EFCAB12: variants seen among roughly 807,000 people sequenced by gnomAD.
EFCAB12 encodes the protein EF-hand calcium-binding domain-containing protein 12.
EFCAB12 carries 43 observed loss-of-function variants against 53.6 expected under a neutral mutation model. The ratio of observed to expected loss-of-function variants is 0.80; its 90% CI spans 0.63 to 1.03. The LOEUF (loss-of-function observed/expected upper bound fraction) is 1.03. Ranked by LOEUF, EFCAB12 falls within the 50% of genes least tolerant of loss-of-function variation. The pLI, the probability that EFCAB12 is intolerant of heterozygous loss-of-function variation, is 0.00. For missense variants in EFCAB12, 646 were observed against 730.6 expected, an observed-to-expected ratio of 0.88 and a Z score of 1.34; for synonymous variants, 269 against 289.2, an observed-to-expected ratio of 0.93 and a Z score of 0.71.
chr3:129,428,358 G>T, intron 1 of EFCAB12, 82 bp downstream of exon 1: 1 of 1,536,046 alleles, frequency 6.5e-7, no homozygotes. Context: ...AATATCTGTG[G>T]CTGAGTTTTT....
chr3:129,424,024 T>G (rs1018857792), intron 1 of EFCAB12, among the ~76,000 whole-genome samples: 1 of 152,146 alleles, frequency 6.6e-6, no homozygotes, highest in African/African-American at 2.4e-5. Flanking sequence ...CTGGGTCCCA[T>G]AGCCCCCACA....
rs1336085530 is a variant in EFCAB12 at position 129,426,362 on chromosome 3, T to TG, written c.49+2077_49+2078insC. Among the ~76,000 whole-genome samples the TG allele has an allele frequency of 5.0e-3, 554 of 110,844 alleles. 6 individuals carry two copies. The highest frequency in any genetic ancestry group is 0.013 in the African/African-American group (343 of 26,832). The allele number at this position is 110,844 out of a possible 152,430, so 72.7% of individuals were successfully genotyped here. On this transcript the variant is annotated intron_variant, in intron 1 of 8. Transcript: ENST00000505956. ...ATGGCTTACAGGGTTTTTTTTTGTT[T>TG]TTTTTTTTTTTTTTTTTTTTGAGAC...
chr3:129,401,965 A>G, intron 8 of EFCAB12, 114 bp from the exon 9 acceptor site: 1 of 1,392,474 alleles, frequency 7.2e-7, no homozygotes, highest in South Asian at 1.4e-5. Context: ...TGTGCCAAGC[A>G]CTTCAGCACC....
intron 7 of EFCAB12, 139 bp from the exon 8 acceptor site, chr3:129,402,718 C>T (rs1275759880): frequency 1.3e-6 from 1 of 791,444 alleles, no homozygotes; most frequent in African/African-American, 1.8e-5. Context: ...TGTCTTCCAC[C>T]TGGGGTGGAC....
intron 6 of EFCAB12, among the ~76,000 whole-genome samples, chr3:129,407,862 C>T (rs141460025): frequency 3.3e-5 from 5 of 152,312 alleles, no homozygotes; most frequent in African/African-American, 7.2e-5. Context: ...TGCAGTGAGC[C>T]GCAATCGCAC....
intron 4 of EFCAB12, chr3:129,413,462 T>C (rs2072072482): frequency 1.3e-5 from 2 of 152,134 alleles, no homozygotes; most frequent in South Asian, 4.2e-4. Flanking sequence ...AATAAGCACA[T>C]TCCTTTCCCT....
chr3:129,411,422 G>C (rs759071407), intron 4 of EFCAB12, 68 bp from the exon 5 acceptor site: 2 of 1,482,568 alleles, frequency 1.3e-6, no homozygotes, highest in Admixed American at 4.2e-5. Context: ...AACCTGCCAA[G>C]CAGTTATCCA....
chr3:129,402,427 G>T, intron 8 of EFCAB12, 96 bp downstream of exon 8: 1 of 1,361,936 alleles, frequency 7.3e-7, no homozygotes, highest in Non-Finnish European at 1.0e-6. Context: ...CCGAGCCCCA[G>T]CTGTTGTGCC....
At chr3:129,409,924 G>T (rs1326445294) in intron 5 of EFCAB12, among the ~76,000 whole-genome samples, 1 of 152,064 alleles carries the variant, frequency 6.6e-6, no homozygotes, top group African/African-American at 2.4e-5. Context: ...AGCAATATCT[G>T]CCATTTTATT....
At chr3:129,411,126 A>C in intron 5 of EFCAB12, 32 bp downstream of exon 5, 1 of 1,544,942 alleles carries the variant, frequency 6.5e-7, no homozygotes, top group Non-Finnish European at 8.7e-7. Context: ...CCAGTCCCCA[A>C]GCCGCATGCT....
chr3:129,418,990 G>T (rs192239897), intron 2 of EFCAB12, among the ~76,000 whole-genome samples: 54 of 152,202 alleles, frequency 3.5e-4, no homozygotes, highest in Middle Eastern at 3.4e-3. Flanking sequence ...CATTCCCTAG[G>T]GTATTGTTCC....
rs910712331 is a variant in EFCAB12, at chr3:129,401,437, C to CT, written c.*155dup. On this transcript the variant is annotated 3_prime_UTR_variant, in exon 9 of 9. Transcript: ENST00000505956. ...CATCTACCCTCTGAGACACTGGACA[C>CT]TTTGAGTCCAGAGGGAACTGGCCCC... 2.3e-5 allele frequency: 25 copies of CT among 1,085,520 alleles called. No homozygotes were observed. The highest frequency in any genetic ancestry group is 8.9e-5 in the Admixed American group (3 of 33,542). The allele number at this position is 1,085,520 out of a possible 1,614,324, so 67.2% of individuals were successfully genotyped here. A position where few individuals can be genotyped will look rare whatever the true frequency, so the allele number is the denominator to read the frequency against.
intron 1 of EFCAB12, among the ~76,000 whole-genome samples, chr3:129,423,779 A>G (rs1334630704): frequency 2.0e-5 from 3 of 152,040 alleles, no homozygotes; most frequent in African/African-American, 7.2e-5. Context: ...ACCTGGCCCC[A>G]CCTGGTCCTC....
In EFCAB12 at chr3:129,418,258, T is replaced by C. The variant is rs747105793; in HGVS notation, c.677A>G (p.Lys226Arg). 6.2e-7 allele frequency: 1 copy of C among 1,607,888 alleles called. No individual in the cohort carries two copies. Among genetic ancestry groups the C allele is most frequent in the Non-Finnish European group, 8.5e-7 (1 of 1,176,150 alleles). Residue 226 changes from lysine (K) to arginine (R), a missense_variant, in exon 3 of 9, where the codon AAG (lysine) becomes AGG (arginine). Coordinates refer to ENST00000505956, the MANE Select transcript of EFCAB12 (RefSeq NM_207307.3). ...GAGAAAGCAGGTGGCACTTACTGCC[T>C]TTACAGCCGCGATGAACTCCTCCCT... ...ITREEFIAAV[K>R]AVGVPLKNQE...
chr3:129,428,389 C>T, intron 1 of EFCAB12, 51 bp downstream of exon 1: 1 of 1,568,370 alleles, frequency 6.4e-7, no homozygotes, highest in Non-Finnish European at 8.7e-7. Context: ...CACTTTCACG[C>T]GTCCTTAGGG....
At chr3:129,410,003 T>C (rs1025485657) in intron 5 of EFCAB12, among the ~76,000 whole-genome samples, 7 of 149,508 alleles carry the variant, frequency 4.7e-5, no homozygotes, top group African/African-American at 1.5e-4. Context: ...TATATTTGTG[T>C]TTATTTATTT....
chr3:129,414,557 G>A (rs903133776), intron 4 of EFCAB12: 5 of 152,170 alleles, frequency 3.3e-5, no homozygotes, highest in Admixed American at 6.5e-5. Flanking sequence ...GGTTGTAATG[G>A]TTCTTTTTTG....
chr3:129,409,410 T>A (rs573842124), intron 5 of EFCAB12, among the ~76,000 whole-genome samples: 1 of 152,146 alleles, frequency 6.6e-6, no homozygotes, highest in Admixed American at 6.5e-5. Context: ...GCCACTGCAC[T>A]CCAGCCTGGG....
At chr3:129,424,234 G>T (rs4128191) in intron 1 of EFCAB12, among the ~76,000 whole-genome samples, 25,274 of 152,104 alleles carry the variant, frequency 0.17, 2,754 homozygotes, top group East Asian at 0.46. Flanking sequence ...GTTCCTTTCA[G>T]AGTCAGCAAA....
Sources: gnomAD v4.1 joint callset for allele counts (sites outside exome capture counted in the v4.1 genomes callset) on GRCh38, gnomAD v4.1.1 for gene constraint, MANE v1.5 for transcripts, NCBI Gene and HGNC (gene_info 2026-07-23, HGNC 2026-07-21) for gene names.